The following PCDHA4 variants were observed in gnomAD, a reference collection of about 807,000 sequenced individuals.
PCDHA4 encodes the protein protocadherin alpha-4.
Under a neutral mutation model 61.4 loss-of-function variants are expected in PCDHA4, and 49 were observed. The ratio of observed to expected loss-of-function variants is 0.80; its 90% confidence interval spans 0.63 to 1.01. PCDHA4 has a LOEUF of 1.01. Ranked by LOEUF, PCDHA4 falls within the 50% of genes least tolerant of loss-of-function variation. The probability of loss-of-function intolerance (pLI) is 0.00; values close to 1 mark genes in which losing one functional copy is unlikely to be tolerated. For missense variants in PCDHA4, 1,254 were observed against 1,235.8 expected, an observed-to-expected ratio of 1.01 and a Z score of -0.22; for synonymous variants, 590 against 550.3, an observed-to-expected ratio of 1.07 and a Z score of -1.01.
intron 1 of PCDHA4, chr5:140,842,957 G>A: frequency 6.3e-7 from 1 of 1,594,936 alleles, no homozygotes; most frequent in Middle Eastern, 1.8e-4. Flanking sequence ...GCCGCCTCTG[G>A]GCAGCAACGT....
intron 1 of PCDHA4, chr5:140,869,166 C>A: frequency 6.2e-7 from 1 of 1,613,866 alleles, no homozygotes; most frequent in South Asian, 1.1e-5. Context: ...TTCTCCTCCT[C>A]GAATTCTGGG....
chr5:140,870,704 T>A, intron 1 of PCDHA4: 1 of 1,612,984 alleles, frequency 6.2e-7, no homozygotes, highest in East Asian at 2.2e-5. Flanking sequence ...CAGTTCCAGG[T>A]GAGCGCGCGC....
At chr5:140,932,338 CACTT>C (rs1448800324) in intron 1 of PCDHA4, among the ~76,000 whole-genome samples, 19 of 151,866 alleles carry the variant, frequency 1.3e-4, no homozygotes, top group Non-Finnish European at 2.2e-4. Flanking sequence ...ATGCATGAAA[CACTT>C]ACCATACAAC....
chr5:140,947,539 C>G (rs144026826), intron 1 of PCDHA4, among the ~76,000 whole-genome samples: 3 of 151,678 alleles, frequency 2.0e-5, no homozygotes, highest in Admixed American at 2.0e-4. Context: ...TCAATTTCTA[C>G]AAAGAATTCC....
intron 1 of PCDHA4, among the ~76,000 whole-genome samples, chr5:140,970,875 AT>A (rs1213440334): frequency 6.6e-6 from 1 of 152,100 alleles, no homozygotes; most frequent in African/African-American, 2.4e-5. Flanking sequence ...TTGAGAGTAG[AT>A]TTTTCTCATG....
At chr5:140,876,815 T>A in intron 1 of PCDHA4, 2 of 1,614,148 alleles carry the variant, frequency 1.2e-6, no homozygotes, top group Non-Finnish European at 1.7e-6. Flanking sequence ...GTGGCCGACG[T>A]GAACGACAAT....
intron 1 of PCDHA4, chr5:140,870,222 G>A: frequency 6.2e-7 from 1 of 1,614,180 alleles, no homozygotes; most frequent in African/African-American, 1.3e-5. Flanking sequence ...TGATCAGCGT[G>A]TCTGACCGTG....
At chr5:140,943,761 A>T (rs1219179710) in intron 1 of PCDHA4, among the ~76,000 whole-genome samples, 1 of 152,248 alleles carries the variant, frequency 6.6e-6, no homozygotes, top group Non-Finnish European at 1.5e-5. Context: ...TAGGAGATGT[A>T]GGAAAAAAAC....
At position 140,856,616 on chromosome 5, in the gene PCDHA4, T is replaced by G. The variant is rs1554148924; in HGVS notation, c.2385+47044T>G. ...TATAAACAAAAAAGACAAAGACAAA[T>G]TCCCAGTGCTTGTTCTGCGGAAGCT... is the stretch of plus-strand genomic sequence containing the variant. On this transcript the variant is annotated intron_variant, in intron 1 of 3. Coordinates refer to ENST00000530339, the MANE Select transcript of PCDHA4 (RefSeq NM_018907.4). The G allele has an allele frequency of 2.5e-6, 4 of 1,597,862 alleles. 1 individual carries two copies. Among genetic ancestry groups the G allele is most frequent in the Non-Finnish European group, 3.4e-6 (4 of 1,167,486 alleles).
chr5:140,932,042 A>G (rs1419099942), intron 1 of PCDHA4, among the ~76,000 whole-genome samples: 1 of 151,970 alleles, frequency 6.6e-6, no homozygotes, highest in Non-Finnish European at 1.5e-5. Flanking sequence ...ATATTAACAT[A>G]GCCTGTAATA....
At chr5:140,941,506 G>A (rs556309408) in intron 1 of PCDHA4, among the ~76,000 whole-genome samples, 3 of 151,236 alleles carry the variant, frequency 2.0e-5, no homozygotes, top group Non-Finnish European at 4.4e-5. Flanking sequence ...TAGTAGAGAC[G>A]AGGTTTCACC....
chr5:140,877,218 G>C (rs781819579), intron 1 of PCDHA4: 1 of 1,613,726 alleles, frequency 6.2e-7, no homozygotes, highest in South Asian at 1.1e-5. Context: ...AGTTGGTACC[G>C]CGGTCGGTGG....
chr5:140,988,957 C>G (rs2097322513), intron 3 of PCDHA4: 1 of 152,120 alleles, frequency 6.6e-6, no homozygotes. Context: ...TTCCTTCAAG[C>G]CCCACGATGG....
In PCDHA4 at chr5:140,855,474, C is replaced by T. The variant is rs997217146; in HGVS notation, c.2385+45902C>T. On this transcript the variant is annotated intron_variant, in intron 1 of 3. Transcript: ENST00000530339. Reference sequence around the variant, plus strand: ...ATAAACACCTCACAGATAGTTGATGCTTGACATTAGTGTCTAAATAAACCT... The same window carrying T: ...ATAAACACCTCACAGATAGTTGATGTTTGACATTAGTGTCTAAATAAACCT... Among the ~76,000 whole-genome samples, 3 of 149,784 alleles carry T rather than the reference C, an allele frequency of 2.0e-5. 1 individual carries two copies. Among genetic ancestry groups the T allele is most frequent in the African/African-American group, 7.3e-5 (3 of 40,830 alleles).
chr5:140,831,428 T>A (rs1771525057), intron 1 of PCDHA4, among the ~76,000 whole-genome samples: 1 of 151,652 alleles, frequency 6.6e-6, no homozygotes. Context: ...GGTGCAATAA[T>A]GGCTCACTGC....
At position 140,850,713 on chromosome 5, in the gene PCDHA4, G is replaced by T. The variant is rs186966305; in HGVS notation, c.2385+41141G>T. 415 of 1,598,196 alleles carry T rather than the reference G, an allele frequency of 2.6e-4. 13 individuals are homozygous for T. The East Asian group carries it at 6.7e-3, about 26-fold the overall frequency. ...GTGCGCGCCTGGCAAGCCGACGCTGGTGTGTTCTAGCGCGGTGGGGAGTTG... is the reference window on the plus strand; with the variant it reads ...GTGCGCGCCTGGCAAGCCGACGCTGTTGTGTTCTAGCGCGGTGGGGAGTTG... On this transcript the variant is annotated intron_variant, in intron 1 of 3. Coordinates refer to ENST00000530339, the MANE Select transcript of PCDHA4 (RefSeq NM_018907.4).
intron 1 of PCDHA4, among the ~76,000 whole-genome samples, chr5:140,897,061 T>C (rs1554187169): frequency 6.6e-6 from 1 of 152,134 alleles, no homozygotes; most frequent in Admixed American, 6.6e-5. Context: ...TCAAATACTA[T>C]GTCTTATTCA....
At chr5:141,008,434 A>G (rs1466409442) in intron 3 of PCDHA4, among the ~76,000 whole-genome samples, 2 of 152,196 alleles carry the variant, frequency 1.3e-5, no homozygotes, top group Admixed American at 6.5e-5. Context: ...CACTTTGCCC[A>G]GACAGACCAT....
chr5:140,853,345 C>A, intron 1 of PCDHA4: 2 of 982,280 alleles, frequency 2.0e-6, no homozygotes, highest in Non-Finnish European at 2.5e-6. Context: ...CATTAGCAAA[C>A]ATGAACTCAC....
Sources: gnomAD v4.1 joint callset for allele counts (sites outside exome capture counted in the v4.1 genomes callset) on GRCh38, gnomAD v4.1.1 for gene constraint, MANE v1.5 for transcripts, NCBI Gene and HGNC (gene_info 2026-07-23, HGNC 2026-07-21) for gene names.